The following ERBB4 variants were observed in gnomAD, a reference collection of about 807,000 sequenced individuals.
ERBB4 encodes the protein erb-b2 receptor tyrosine kinase 4.
In ERBB4, 42 loss-of-function variants were observed where a neutral mutation model predicts 158.0. The observed-to-expected ratio is 0.27, with a 90% CI of 0.21 to 0.34. ERBB4 has a LOEUF of 0.34. ERBB4 is among the 10% of genes least tolerant of loss of function. ERBB4 has a pLI of 1.00. For missense variants in ERBB4, 1,333 were observed against 1,624.1 expected (o/e 0.82, Z 3.08); for synonymous variants, 583 against 558.7 (o/e 1.04, Z -0.61).
chr2:211,726,413 T>A (rs1430744030), intron 5 of ERBB4, among the ~76,000 whole-genome samples: 1 of 152,170 alleles, frequency 6.6e-6, no homozygotes, highest in Admixed American at 6.5e-5. Flanking sequence ...ATGCAAGGTG[T>A]ACAAAACAGA....
intron 14 of ERBB4, among the ~76,000 whole-genome samples, chr2:211,669,675 G>A (rs1559400021): frequency 6.6e-6 from 1 of 152,188 alleles, no homozygotes; most frequent in East Asian, 1.9e-4. Context: ...CAAGATTACC[G>A]TAAATTTCTG....
chr2:211,658,910 T>A (rs1574939145), intron 15 of ERBB4, among the ~76,000 whole-genome samples: 1 of 152,140 alleles, frequency 6.6e-6, no homozygotes, highest in East Asian at 1.9e-4. Flanking sequence ...ATCTTTTCCT[T>A]TTCTCCCATC....
chr2:211,623,552 C>T (rs2069717871), intron 18 of ERBB4, among the ~76,000 whole-genome samples: 1 of 152,058 alleles, frequency 6.6e-6, no homozygotes, highest in Admixed American at 6.6e-5. Context: ...GTATATTGCC[C>T]AGGCATGTCT....
intron 19 of ERBB4, among the ~76,000 whole-genome samples, chr2:211,585,245 G>A (rs913249546): frequency 3.3e-5 from 5 of 151,430 alleles, no homozygotes; most frequent in Admixed American, 1.3e-4. Flanking sequence ...CCAGCTACTC[G>A]GGAGACTGAG....
rs372732474 is a variant in ERBB4 at position 212,293,382 on chromosome 2, ATAATT to A, written c.83-168484_83-168480del. ...TATTCCATAATAAAAATCTGATCTC[ATAATT>A]TAATATAGCTTTCAATAATAGAAAA... On this transcript the variant is annotated intron_variant, in intron 1 of 27. Coordinates refer to ENST00000342788, the MANE Select transcript of ERBB4 (RefSeq NM_005235.3). Among the ~76,000 whole-genome samples, 83 of 152,212 alleles carry A rather than the reference ATAATT, an allele frequency of 5.5e-4. 1 individual carries two copies. In the South Asian group the frequency reaches 0.015, roughly 27 times the overall value.
chr2:211,707,373 A>T (rs2073488484), intron 9 of ERBB4, among the ~76,000 whole-genome samples: 1 of 152,196 alleles, frequency 6.6e-6, no homozygotes, highest in Non-Finnish European at 1.5e-5. Context: ...TAACTTCCCT[A>T]ACTAAATTCG....
chr2:212,388,433 T>C (rs1320888797), intron 1 of ERBB4, among the ~76,000 whole-genome samples: 1 of 152,108 alleles, frequency 6.6e-6, no homozygotes, highest in Non-Finnish European at 1.5e-5. Flanking sequence ...ATTAAACACA[T>C]ACAGGCTGAA....
intron 5 of ERBB4, among the ~76,000 whole-genome samples, chr2:211,746,656 C>A (rs1474381241): frequency 1.3e-5 from 2 of 151,918 alleles, no homozygotes; most frequent in Non-Finnish European, 2.9e-5. Context: ...TGGCGAAACC[C>A]CGTCTCTACT....
At chr2:211,889,585 G>A (rs571313433) in intron 3 of ERBB4, among the ~76,000 whole-genome samples, 1,550 of 151,328 alleles carry the variant, frequency 0.01, 24 homozygotes, top group African/African-American at 0.036. Flanking sequence ...AGAGAAGAAG[G>A]CTTCAGACGA....
chr2:211,944,204 A>ATATATATATATATATATAG (rs1553517912), intron 3 of ERBB4, among the ~76,000 whole-genome samples: 3 of 28,160 alleles, frequency 1.1e-4, no homozygotes, highest in Non-Finnish European at 3.4e-4. Flanking sequence ...TATATACTAT[A>ATATATATATATATATATAG]TATATATATA....
At chr2:212,139,572 A>G (rs2080379246) in intron 1 of ERBB4, among the ~76,000 whole-genome samples, 1 of 152,010 alleles carries the variant, frequency 6.6e-6, no homozygotes, top group South Asian at 2.1e-4. Flanking sequence ...TATATAAGAT[A>G]TGACTAGTAA....
At chr2:211,818,299 G>T (rs1393049128) in intron 3 of ERBB4, among the ~76,000 whole-genome samples, 1 of 152,168 alleles carries the variant, frequency 6.6e-6, no homozygotes, top group African/African-American at 2.4e-5. Context: ...TGGTGCAGAA[G>T]TTGTGGTGCA....
At chr2:211,457,658 T>G (rs950012533) in intron 20 of ERBB4, among the ~76,000 whole-genome samples, 2 of 152,208 alleles carry the variant, frequency 1.3e-5, no homozygotes, top group Non-Finnish European at 2.9e-5. Flanking sequence ...TCTTACATCA[T>G]GCATGCCTAA....
intron 19 of ERBB4, 35 bp downstream of exon 19, chr2:211,619,142 G>C (rs2125846776): frequency 7.9e-7 from 1 of 1,265,562 alleles, no homozygotes; most frequent in Non-Finnish European, 1.2e-6. Flanking sequence ...TTTGATAATG[G>C]AGAAAAATGT....
intron 1 of ERBB4, among the ~76,000 whole-genome samples, chr2:212,537,455 G>A (rs1693151615): frequency 6.6e-6 from 1 of 152,066 alleles, no homozygotes; most frequent in Admixed American, 6.5e-5. Flanking sequence ...AGTCCTGCAA[G>A]CCGTGGCGGG....
intron 2 of ERBB4, among the ~76,000 whole-genome samples, chr2:211,976,332 G>T (rs918955565): frequency 6.6e-6 from 1 of 152,144 alleles, no homozygotes; most frequent in Admixed American, 6.5e-5. Flanking sequence ...ATCACAGACT[G>T]CTTCAAATGA....
intron 2 of ERBB4, among the ~76,000 whole-genome samples, chr2:211,992,580 A>AAAAC (rs202076862): frequency 2.7e-4 from 41 of 151,708 alleles, no homozygotes; most frequent in Admixed American, 4.6e-4. Context: ...AAAAAAAAAA[A>AAAAC]ACATGAGTTT....
At chr2:212,227,260 A>T (rs2083504361) in intron 1 of ERBB4, among the ~76,000 whole-genome samples, 1 of 147,814 alleles carries the variant, frequency 6.8e-6, no homozygotes, top group African/African-American at 2.5e-5. Flanking sequence ...AAAAAAAAAA[A>T]TCATATAGTA....
rs759748100 is a variant in ERBB4 at position 212,538,550 on chromosome 2, C to T, written c.-20G>A. ...CTTCATTTTTTGGAAGTCTCAGATC[C>T]CGTGCTGACAATTACATGTCCAAAT... On this transcript the variant is annotated 5_prime_UTR_variant, in exon 1 of 28. Transcript: ENST00000342788. The T allele has an allele frequency of 1.2e-6, 2 of 1,609,864 alleles. No homozygotes were observed. Among genetic ancestry groups the T allele is most frequent in the African/African-American group, 1.3e-5 (1 of 74,858 alleles).
Sources: gnomAD v4.1 joint callset for allele counts (sites outside exome capture counted in the v4.1 genomes callset) on GRCh38, gnomAD v4.1.1 for gene constraint, MANE v1.5 for transcripts, NCBI Gene and HGNC (gene_info 2026-07-23, HGNC 2026-07-21) for gene names.